TJP1: variants seen among roughly 807,000 people sequenced by gnomAD.
TJP1 encodes the protein tight junction protein ZO-1.
TJP1 carries 43 observed loss-of-function variants against 194.2 expected under a neutral mutation model. The ratio of observed to expected loss-of-function variants is 0.22; its 90% CI spans 0.17 to 0.29. The LOEUF is 0.29. TJP1 is among the 10% of genes least tolerant of loss of function. The pLI is 1.00. For missense variants in TJP1, 1,971 were observed against 2,185.7 expected, an observed-to-expected ratio of 0.90 and a Z score of 1.96; for synonymous variants, 801 against 779.0, an observed-to-expected ratio of 1.03 and a Z score of -0.47.
intron 2 of TJP1, among the ~76,000 whole-genome samples, chr15:29,870,973 C>T (rs1039108361): frequency 1.3e-5 from 2 of 152,206 alleles, no homozygotes; most frequent in Non-Finnish European, 2.9e-5. Flanking sequence ...AACTGGCGGC[C>T]AGCCCCAGGA....
chr15:29,789,269 G>T (rs1488481818), intron 2 of TJP1, among the ~76,000 whole-genome samples: 1 of 152,066 alleles, frequency 6.6e-6, no homozygotes, highest in Non-Finnish European at 1.5e-5. Context: ...TAAGTTTTTT[G>T]GGGCAGAACT....
intron 2 of TJP1, among the ~76,000 whole-genome samples, chr15:29,799,418 T>A (rs960784002): frequency 6.7e-6 from 1 of 148,652 alleles, no homozygotes; most frequent in African/African-American, 2.5e-5. Context: ...AAAAAAAAAT[T>A]TTTTTTTTTT....
intron 2 of TJP1, among the ~76,000 whole-genome samples, chr15:29,885,631 T>C (rs1204885586): frequency 6.6e-6 from 1 of 152,206 alleles, no homozygotes; most frequent in Non-Finnish European, 1.5e-5. Context: ...GATCAGTAAA[T>C]TTTAAAAAGA....
At chr15:29,852,183 A>C (rs2051667993) in intron 2 of TJP1, among the ~76,000 whole-genome samples, 1 of 152,230 alleles carries the variant, frequency 6.6e-6, no homozygotes. Flanking sequence ...GAGGATGAAA[A>C]GACAAGCTAC....
In TJP1 at chr15:29,842,537, T is replaced by C. The variant is rs553471758; in HGVS notation, c.307-41835A>G. On this transcript the variant is annotated intron_variant, in intron 2 of 28. Transcript: ENST00000356107. The stretch of plus-strand genomic sequence containing the variant: ...ACCTCACATGCACGGCTTTGCAATG[T>C]GGGAGGAAACCAGAGTACCTGCAGA... Among the ~76,000 whole-genome samples, 55 of 152,142 alleles carry C rather than the reference T, an allele frequency of 3.6e-4. 1 individual carries two copies. Among genetic ancestry groups the C allele is most frequent in the South Asian group, 3.1e-3 (15 of 4,818 alleles).
chr15:29,882,642 T>C lies in TJP1; in HGVS notation c.306+73590A>G, dbSNP rs1468314299. On this transcript the variant is annotated intron_variant, in intron 2 of 28. Transcript: ENST00000356107. ...GCCTGGATTAAATGTGTTGGGCAAATGAAGAGCAACTGCATCTCCATGTGT... is the reference window on the plus strand; with the variant it reads ...GCCTGGATTAAATGTGTTGGGCAAACGAAGAGCAACTGCATCTCCATGTGT... Among the ~76,000 whole-genome samples the C allele has an allele frequency of 2.6e-5, 4 of 152,182 alleles. 1 individual carries two copies. The South Asian group carries it at 8.3e-4, about 32-fold the overall frequency.
chr15:29,820,814 A>T, intron 1 of TJP1: 1 of 509,904 alleles, frequency 2.0e-6, no homozygotes. Flanking sequence ...AAAAGGTGCA[A>T]GTTAAATTTT....
At chr15:29,891,849 T>G (rs150792107) in intron 2 of TJP1, among the ~76,000 whole-genome samples, 133 of 152,292 alleles carry the variant, frequency 8.7e-4, no homozygotes, top group Non-Finnish European at 1.5e-3. Context: ...GATACAACAT[T>G]ATTGAAATTA....
chr15:29,940,817 C>T (rs1333358784), intron 2 of TJP1, among the ~76,000 whole-genome samples: 2 of 152,136 alleles, frequency 1.3e-5, no homozygotes, highest in African/African-American at 2.4e-5. Context: ...TTTTCAACCT[C>T]CTCTGGCCTG....
At chr15:29,838,665 C>T (rs1376737557) in intron 2 of TJP1, among the ~76,000 whole-genome samples, 1 of 151,848 alleles carries the variant, frequency 6.6e-6, no homozygotes, top group Non-Finnish European at 1.5e-5. Flanking sequence ...AACTTTATCA[C>T]AATGTAGTCT....
chr15:29,901,802 C>G (rs2053642227), intron 2 of TJP1, among the ~76,000 whole-genome samples: 1 of 143,242 alleles, frequency 7.0e-6, no homozygotes, highest in South Asian at 2.2e-4. Context: ...GCCTGGGCAA[C>G]AGAGCGAGAC....
rs1258878645 is a variant in TJP1, at chr15:29,720,446, T to G, written c.2675A>C (p.Asn892Thr). Residue 892 changes from asparagine (N) to threonine (T), a missense_variant, in exon 19 of 28, where the codon AAC (asparagine) becomes ACC (threonine). Physicochemically the swap from Asn to Thr is moderately conservative, Grantham distance 65 (BLOSUM62 0). This residue lies in a region of TJP1 where 1,108 missense variants were observed against 1,128.5 expected (regional missense o/e 0.98). Transcript: ENST00000614355. ...REDSSGMHHENQTYPPYSPQA... is the reference protein window; with the variant it reads ...REDSSGMHHETQTYPPYSPQA... ...TGGTGAGTAAGGAGGATATGTTTGG[T>G]TTTCATGATGCATTCCAGAGGAGTC... is the stretch of plus-strand genomic sequence containing the variant. 37 of 1,614,064 alleles carry G rather than the reference T, an allele frequency of 2.3e-5. No individual in the cohort carries two copies. The highest frequency in any genetic ancestry group is 3.0e-5 in the Non-Finnish European group (35 of 1,180,016).
chr15:29,711,581 G>C (rs1444770357), intron 23 of TJP1, among the ~76,000 whole-genome samples: 1 of 152,072 alleles, frequency 6.6e-6, no homozygotes, highest in Non-Finnish European at 1.5e-5. Flanking sequence ...GTCCAGGCTG[G>C]TCTTGAACTC....
chr15:29,800,353 A>T, intron 2 of TJP1: 1 of 347,904 alleles, frequency 2.9e-6, no homozygotes. Flanking sequence ...AGCAGTTTAT[A>T]ATAATTTATA....
intron 2 of TJP1, among the ~76,000 whole-genome samples, chr15:29,950,173 T>TCC (rs2055674073): frequency 1.2e-4 from 2 of 16,744 alleles, no homozygotes; most frequent in Non-Finnish European, 2.7e-4. Flanking sequence ...CCACAACCAC[T>TCC]ACCTCCACCT....
intron 2 of TJP1, among the ~76,000 whole-genome samples, chr15:29,936,770 A>G (rs2054896108): frequency 6.6e-6 from 1 of 152,194 alleles, no homozygotes; most frequent in Non-Finnish European, 1.5e-5. Flanking sequence ...AACTAGTGGA[A>G]TGAAGTACTG....
At chr15:29,778,635 C>T (rs1381924143) in intron 2 of TJP1, among the ~76,000 whole-genome samples, 2 of 152,198 alleles carry the variant, frequency 1.3e-5, no homozygotes, top group Non-Finnish European at 2.9e-5. Flanking sequence ...CAACTCCAAA[C>T]TTGCTTCCCA....
chr15:29,910,482 G>A (rs1328606939), intron 2 of TJP1, among the ~76,000 whole-genome samples: 1 of 152,108 alleles, frequency 6.6e-6, no homozygotes, highest in Non-Finnish European at 1.5e-5. Flanking sequence ...ATATTGTCTG[G>A]TATCATGTTT....
At chr15:29,828,219 C>A (rs2050732911) in intron 2 of TJP1, among the ~76,000 whole-genome samples, 1 of 152,060 alleles carries the variant, frequency 6.6e-6, no homozygotes, top group East Asian at 1.9e-4. Context: ...GTGTTTTAAA[C>A]TAATGATAGA....
Sources: allele counts gnomAD v4.1 joint callset (sites outside exome capture counted in the v4.1 genomes callset), GRCh38; gene constraint gnomAD v4.1.1; regional missense constraint gnomAD v4.1.1; transcripts MANE v1.5; gene names NCBI Gene and HGNC (gene_info 2026-07-23, HGNC 2026-07-21).